Variants in PDHX observed in about 807,000 individuals in gnomAD.
The protein encoded by PDHX is pyruvate dehydrogenase protein X component, mitochondrial.
Under a neutral mutation model 55.3 loss-of-function variants are expected in PDHX, and 33 were observed. The ratio of observed to expected loss-of-function variants is 0.60; its 90% CI spans 0.45 to 0.80. PDHX has a LOEUF of 0.80. PDHX is among the 30% of genes least tolerant of loss of function. The pLI, the probability that PDHX is intolerant of heterozygous loss-of-function variation, is 0.00. For missense variants in PDHX, 622 were observed against 619.9 expected (o/e 1.00, Z -0.04); for synonymous variants, 226 against 219.4 (o/e 1.03, Z -0.27).
chr11:34,961,766 A>G (rs1565161621), intron 5 of PDHX, among the ~76,000 whole-genome samples: 1 of 152,198 alleles, frequency 6.6e-6, no homozygotes, highest in Admixed American at 6.5e-5. Context: ...TCACACACAT[A>G]CTGTGAAGTT....
intron 2 of PDHX, among the ~76,000 whole-genome samples, chr11:34,940,737 A>C (rs1043599230): frequency 1.3e-5 from 2 of 152,066 alleles, no homozygotes; most frequent in African/African-American, 4.8e-5. Context: ...CTCTATCCCT[A>C]GACAATCCGG....
intron 1 of PDHX, among the ~76,000 whole-genome samples, chr11:34,930,233 A>C (rs979403250): frequency 6.6e-6 from 1 of 152,234 alleles, no homozygotes; most frequent in Non-Finnish European, 1.5e-5. Context: ...GCATGCTTGC[A>C]TTCTTTCTCC....
In PDHX at chr11:34,994,942, G is replaced by A. The variant is rs762433166; in HGVS notation, c.1276G>A (p.Asp426Asn). The change falls in exon 11 of 11, where the codon GAC becomes AAC. Residue 426 changes from aspartate to asparagine, a missense_variant. Transcript: ENST00000227868. ...TTCCAACTTGGGGATGTTTGGCATC[G>A]ACGAATTTACTGCAGTGATTAACCC... ...SISNLGMFGI[D>N]EFTAVINPPQ... 9 of 1,613,706 alleles carry A rather than the reference G, an allele frequency of 5.6e-6. No individual in the cohort carries two copies. In the Admixed American group the frequency reaches 6.7e-5, roughly 12 times the overall value.
intron 2 of PDHX, among the ~76,000 whole-genome samples, chr11:34,935,940 G>A (rs1854298742): frequency 6.6e-6 from 1 of 152,148 alleles, no homozygotes; most frequent in African/African-American, 2.4e-5. Context: ...CCAGTCTAGT[G>A]CTTGTAAAAT....
At chr11:34,986,803 G>A (rs1855655081) in intron 9 of PDHX, among the ~76,000 whole-genome samples, 1 of 152,062 alleles carries the variant, frequency 6.6e-6, no homozygotes, top group African/African-American at 2.4e-5. Context: ...GCGGGCCTTG[G>A]GCATTTCCTG....
At chr11:34,965,135 C>T (rs990363860) in intron 5 of PDHX, among the ~76,000 whole-genome samples, 1 of 152,176 alleles carries the variant, frequency 6.6e-6, no homozygotes, top group African/African-American at 2.4e-5. Flanking sequence ...AGGTTCTGAA[C>T]TCATGGTCTC....
chr11:34,916,628 G>A lies in PDHX; in HGVS notation c.-28G>A. The A allele has an allele frequency of 6.2e-7, 1 of 1,603,010 alleles. No individual in the cohort carries two copies. The highest frequency in any genetic ancestry group is 8.5e-7 in the Non-Finnish European group (1 of 1,179,704). On this transcript the variant is annotated 5_prime_UTR_variant, in exon 1 of 11. Coordinates refer to ENST00000227868, the MANE Select transcript of PDHX (RefSeq NM_003477.3). ...TTGATGCTGGACATCAGGCTGTGCT[G>A]CGGGCAGCCAGTGAGAAGGCCGTCA...
rs1354326539 is a variant in PDHX at position 34,957,397 on chromosome 11, G to A, written c.356G>A (p.Ser119Asn). 1 of 1,605,268 alleles carries A rather than the reference G, an allele frequency of 6.2e-7. No individual in the cohort carries two copies. Among genetic ancestry groups the A allele is most frequent in the Non-Finnish European group, 8.5e-7 (1 of 1,171,936 alleles). Residue 119 changes from serine to asparagine, a missense_variant, in exon 4 of 11, where the codon AGT becomes AAT. Physicochemically the swap from Ser to Asn is conservative, Grantham distance 46 (BLOSUM62 1). Transcript: ENST00000227868. ...ILAKIVVEEG[S>N]KNIRLGSLIG... ...TTTTAAATATAGGTTGAAGAAGGAA[G>A]TAAAAATATACGGCTAGGTTCACTA...
intron 10 of PDHX, among the ~76,000 whole-genome samples, chr11:34,994,672 A>G (rs1855821160): frequency 6.6e-6 from 1 of 152,112 alleles, no homozygotes; most frequent in South Asian, 2.1e-4. Flanking sequence ...TGTTATATTG[A>G]CCTTTTATCT....
intron 8 of PDHX, among the ~76,000 whole-genome samples, chr11:34,983,988 C>G (rs1855584533): frequency 6.6e-6 from 1 of 152,158 alleles, no homozygotes; most frequent in Admixed American, 6.5e-5. Flanking sequence ...GCCAAAAGAA[C>G]AAAGCTGGAG....
chr11:34,966,751 T>C lies in PDHX; in HGVS notation c.753T>C (p.Ala251=), dbSNP rs757174659. 6.8e-6 allele frequency: 11 copies of C among 1,614,026 alleles called. No homozygotes were observed. Among genetic ancestry groups the C allele is most frequent in the Non-Finnish European group, 6.8e-6 (8 of 1,180,000 alleles). Reference sequence around the variant, plus strand: ...CACCTTCGCCCCTACAGGCCACAGCTGGACCATCTTATCCCCGGCCTGTGA... The same window carrying C: ...CACCTTCGCCCCTACAGGCCACAGCCGGACCATCTTATCCCCGGCCTGTGA... The part of the protein sequence containing the change: ...PTAPSPLQAT[A]GPSYPRPVIP... Residue 251 remains alanine (A), a synonymous_variant, in exon 6 of 11, where the codon GCT becomes GCC. Transcript: ENST00000227868.
intron 4 of PDHX, among the ~76,000 whole-genome samples, chr11:34,959,455 G>C (rs1369454734): frequency 6.6e-6 from 1 of 152,038 alleles, no homozygotes; most frequent in Non-Finnish European, 1.5e-5. Flanking sequence ...ACAAGTGTTG[G>C]CAAGGACATG....
intron 5 of PDHX, among the ~76,000 whole-genome samples, chr11:34,964,084 C>G (rs1206991037): frequency 6.6e-6 from 1 of 152,210 alleles, no homozygotes; most frequent in East Asian, 1.9e-4. Flanking sequence ...CCAGAGCATC[C>G]TCTGCCTATC....
At chr11:34,930,566 T>A (rs1018687283) in intron 1 of PDHX, among the ~76,000 whole-genome samples, 1 of 152,206 alleles carries the variant, frequency 6.6e-6, no homozygotes, top group African/African-American at 2.4e-5. Context: ...TATGGAAAGC[T>A]ATAGGGGATG....
At chr11:34,957,665 C>A in intron 4 of PDHX, 82 bp downstream of exon 4, 1 of 1,101,302 alleles carries the variant, frequency 9.1e-7, no homozygotes. Flanking sequence ...TTATCATATT[C>A]GCACATCGTT....
chr11:34,958,603 C>T (rs1854955272), intron 4 of PDHX, among the ~76,000 whole-genome samples: 1 of 148,976 alleles, frequency 6.7e-6, no homozygotes, highest in African/African-American at 2.5e-5. Context: ...GCCTGGCCTG[C>T]TTTTTGAAGT....
chr11:34,930,392 A>G (rs1435419871), intron 1 of PDHX, among the ~76,000 whole-genome samples: 4 of 152,258 alleles, frequency 2.6e-5, no homozygotes, highest in Admixed American at 6.5e-5. Context: ...AGAAATATTT[A>G]TTCTCATTTA....
intron 9 of PDHX, among the ~76,000 whole-genome samples, chr11:34,988,661 T>G (rs1216169238): frequency 6.6e-6 from 1 of 152,052 alleles, no homozygotes; most frequent in Non-Finnish European, 1.5e-5. Flanking sequence ...GCACCATAAT[T>G]AGTTGATTCA....
intron 10 of PDHX, 119 bp downstream of exon 10, chr11:34,992,498 T>C: frequency 1.6e-6 from 1 of 638,524 alleles, no homozygotes; most frequent in Non-Finnish European, 2.8e-6. Flanking sequence ...AAAAATACTT[T>C]ATTTAGACAA....
Sources: allele counts gnomAD v4.1 joint callset (sites outside exome capture counted in the v4.1 genomes callset), GRCh38; gene constraint gnomAD v4.1.1; transcripts MANE v1.5; gene names NCBI Gene and HGNC (gene_info 2026-07-23, HGNC 2026-07-21).